The following MARCHF1 variants were observed in gnomAD, a reference collection of about 807,000 sequenced individuals.
The protein encoded by MARCHF1 is membrane associated ring-CH-type finger 1.
A neutral mutation model predicts 54.2 loss-of-function variants in MARCHF1; 40 were observed. That is an observed-to-expected ratio of 0.74 (90% confidence interval 0.57 to 0.96). The LOEUF (loss-of-function observed/expected upper bound fraction) is 0.96. Ranked by LOEUF, MARCHF1 falls within the 40% of genes least tolerant of loss-of-function variation. MARCHF1 has a pLI of 0.00. For synonymous variants in MARCHF1, 236 were observed against 236.3 expected, an observed-to-expected ratio of 1.00 and a Z score of 0.01; for missense variants, 586 against 656.5, an observed-to-expected ratio of 0.89 and a Z score of 1.17.
chr4:163,538,778 GTTATT>G (rs3839193), intron 9 of MARCHF1, among the ~76,000 whole-genome samples: 59,766 of 151,656 alleles, frequency 0.39, 12,856 homozygotes, highest in Admixed American at 0.53. Context: ...AGCCTGTTCT[GTTATT>G]TTCTTTGGTT....
intron 4 of MARCHF1, among the ~76,000 whole-genome samples, chr4:163,723,429 C>T (rs1243435419): frequency 1.3e-5 from 2 of 152,148 alleles, no homozygotes; most frequent in East Asian, 1.9e-4. Flanking sequence ...GTGGGTAACC[C>T]GATCTTTCTC....
intron 1 of MARCHF1, chr4:164,190,398 A>G: frequency 4.1e-6 from 2 of 487,522 alleles, no homozygotes; most frequent in Non-Finnish European, 7.4e-6. Flanking sequence ...CCTTAGAAAA[A>G]AAATGAGAGA....
intron 4 of MARCHF1, among the ~76,000 whole-genome samples, chr4:163,770,107 AAAT>A (rs1470640340): frequency 6.6e-6 from 1 of 151,972 alleles, no homozygotes; most frequent in Non-Finnish European, 1.5e-5. Context: ...ATATGGTATA[AAAT>A]AATAATCACA....
intron 9 of MARCHF1, among the ~76,000 whole-genome samples, chr4:163,540,117 G>T (rs1354967448): frequency 6.6e-6 from 1 of 152,150 alleles, no homozygotes; most frequent in Non-Finnish European, 1.5e-5. Flanking sequence ...TATAAATAAT[G>T]ATCTCTAAGG....
intron 4 of MARCHF1, among the ~76,000 whole-genome samples, chr4:163,764,049 C>A (rs919362305): frequency 6.6e-6 from 1 of 151,992 alleles, no homozygotes; most frequent in African/African-American, 2.4e-5. Flanking sequence ...AAAACGTAAA[C>A]CTTCTCTTTT....
chr4:164,288,371 G>GA (rs1392790093), intron 1 of MARCHF1, among the ~76,000 whole-genome samples: 7 of 151,952 alleles, frequency 4.6e-5, no homozygotes, highest in African/African-American at 1.4e-4. Context: ...AGAATGAAGT[G>GA]AAAAAAGAAA....
At chr4:163,654,724 C>T (rs866115901) in intron 5 of MARCHF1, among the ~76,000 whole-genome samples, 12 of 151,516 alleles carry the variant, frequency 7.9e-5, no homozygotes, top group East Asian at 1.9e-4. Context: ...TATTTACTTT[C>T]GATCATCAGT....
At position 163,806,864 on chromosome 4, in the gene MARCHF1, C is replaced by T. The variant is rs1169144133; in HGVS notation, c.111+47157G>A. ...AAAATTCCTGACTAATGAAACATTG[C>T]TCAACCAACTACATTCCAGATGGAC... On this transcript the variant is annotated intron_variant, in intron 4 of 9. Transcript: ENST00000514618. 2.0e-5 allele frequency among the ~76,000 whole-genome samples: 3 copies of T among 152,008 alleles called. No individual in the cohort carries two copies. In the South Asian group the frequency reaches 6.2e-4, roughly 31 times the overall value.
intron 2 of MARCHF1, among the ~76,000 whole-genome samples, chr4:164,003,639 G>T (rs1437138471): frequency 6.6e-6 from 1 of 151,996 alleles, no homozygotes; most frequent in Non-Finnish European, 1.5e-5. Context: ...AAGAAACAAT[G>T]AATGCTGTGA....
At chr4:163,840,232 C>G (rs1749300016) in intron 4 of MARCHF1, among the ~76,000 whole-genome samples, 1 of 151,992 alleles carries the variant, frequency 6.6e-6, no homozygotes. Context: ...TGGTTTTATT[C>G]CTTTTTGTAT....
intron 6 of MARCHF1, 64 bp downstream of exon 6, chr4:163,613,250 A>G (rs1273565287): frequency 6.7e-7 from 1 of 1,500,688 alleles, no homozygotes; most frequent in East Asian, 2.3e-5. Flanking sequence ...TTCTCAGAAC[A>G]AACAACAAGA....
chr4:163,829,584 T>A (rs1031344883), intron 4 of MARCHF1, among the ~76,000 whole-genome samples: 2 of 152,194 alleles, frequency 1.3e-5, no homozygotes, highest in African/African-American at 4.8e-5. Context: ...CTCCCTGAAT[T>A]TCTACAGAAG....
intron 3 of MARCHF1, among the ~76,000 whole-genome samples, chr4:163,944,611 C>T (rs944182875): frequency 6.6e-6 from 1 of 152,132 alleles, no homozygotes; most frequent in African/African-American, 2.4e-5. Flanking sequence ...ACTTTCTTTC[C>T]CAAGTATTAA....
chr4:164,268,147 A>G (rs1717207966), intron 1 of MARCHF1, among the ~76,000 whole-genome samples: 1 of 152,200 alleles, frequency 6.6e-6, no homozygotes, highest in Non-Finnish European at 1.5e-5. Flanking sequence ...AAAAGACTTT[A>G]AATATTTTTA....
intron 7 of MARCHF1, among the ~76,000 whole-genome samples, chr4:163,608,048 T>C (rs1741201278): frequency 6.6e-6 from 1 of 152,178 alleles, no homozygotes; most frequent in South Asian, 2.1e-4. Context: ...ACATTTTCAC[T>C]AAAGCTATCA....
At position 163,826,513 on chromosome 4, in the gene MARCHF1, A is replaced by G. The variant is rs142003944; in HGVS notation, c.111+27508T>C. Among the ~76,000 whole-genome samples the G allele has an allele frequency of 8.3e-3, 1,271 of 152,236 alleles. 17 individuals carry two copies. The highest frequency in any genetic ancestry group is 0.023 in the South Asian group (110 of 4,826). On this transcript the variant is annotated intron_variant, in intron 4 of 9. Transcript: ENST00000514618. The stretch of plus-strand genomic sequence containing the variant: ...TGAATAGGTTTTATTGAACTACAGA[A>G]TATTAAATTGATTTTGCTAACCTAG...
At chr4:163,869,033 TA>T (rs1444782634) in intron 3 of MARCHF1, among the ~76,000 whole-genome samples, 7 of 151,898 alleles carry the variant, frequency 4.6e-5, no homozygotes, top group African/African-American at 1.7e-4. Context: ...ATTTAATTCA[TA>T]ATACACATAA....
intron 5 of MARCHF1, among the ~76,000 whole-genome samples, chr4:163,632,270 G>A (rs191238591): frequency 1.6e-4 from 25 of 152,250 alleles, no homozygotes; most frequent in Admixed American, 5.9e-4. Flanking sequence ...GAACAGCTCC[G>A]GTCTACAGCT....
intron 3 of MARCHF1, among the ~76,000 whole-genome samples, chr4:163,953,877 T>C (rs1752182222): frequency 6.6e-6 from 1 of 152,130 alleles, no homozygotes; most frequent in South Asian, 2.1e-4. Flanking sequence ...CAGAGTTGAG[T>C]GGATAAGGGT....
Sources: gnomAD v4.1 joint callset for allele counts (sites outside exome capture counted in the v4.1 genomes callset) on GRCh38, gnomAD v4.1.1 for gene constraint, MANE v1.5 for transcripts, NCBI Gene and HGNC (gene_info 2026-07-23, HGNC 2026-07-21) for gene names.